The following ST6GALNAC3 variants were observed in gnomAD, a reference collection of about 807,000 sequenced individuals.
ST6GALNAC3 encodes ST6 N-acetylgalactosaminide alpha-2,6-sialyltransferase 3, also known as alpha-N-acetylgalactosaminide alpha-2,6-sialyltransferase 3.
ST6GALNAC3 carries 25 observed loss-of-function variants against 32.7 expected under a neutral mutation model. That is an observed-to-expected ratio of 0.76 (90% confidence interval 0.56 to 1.07). The LOEUF (loss-of-function observed/expected upper bound fraction) is 1.07. Among genes scored for constraint, ST6GALNAC3 ranks in the 50% least tolerant of loss-of-function variants. ST6GALNAC3 has a pLI of 0.00. For missense variants in ST6GALNAC3, 355 were observed against 382.4 expected (o/e 0.93, Z 0.60); for synonymous variants, 129 against 133.1 (o/e 0.97, Z 0.21).
At chr1:76,520,338 C>A (rs116398947) in intron 3 of ST6GALNAC3, among the ~76,000 whole-genome samples, 2 of 152,108 alleles carry the variant, frequency 1.3e-5, no homozygotes, top group East Asian at 3.9e-4. Context: ...CACAGGAGAC[C>A]ATAAGTTATC....
chr1:76,110,137 T>C (rs1647819230), intron 1 of ST6GALNAC3, among the ~76,000 whole-genome samples: 1 of 152,208 alleles, frequency 6.6e-6, no homozygotes, highest in South Asian at 2.1e-4. Context: ...TTCAAATTCT[T>C]TTTCATTCTT....
At chr1:76,237,876 A>G (rs569096117) in intron 1 of ST6GALNAC3, among the ~76,000 whole-genome samples, 25 of 152,246 alleles carry the variant, frequency 1.6e-4, no homozygotes, top group Non-Finnish European at 2.9e-4. Context: ...AGATACTTCA[A>G]ACTCTCCACC....
At chr1:76,266,356 T>C (rs1235098881) in intron 1 of ST6GALNAC3, among the ~76,000 whole-genome samples, 2 of 152,158 alleles carry the variant, frequency 1.3e-5, no homozygotes, top group African/African-American at 4.8e-5. Context: ...AAGTCTTTAC[T>C]GCCGAAACTC....
At chr1:76,478,397 G>T (rs910801269) in intron 3 of ST6GALNAC3, among the ~76,000 whole-genome samples, 27 of 152,150 alleles carry the variant, frequency 1.8e-4, no homozygotes, top group African/African-American at 6.5e-4. Flanking sequence ...TTGTTTTCTG[G>T]AGTTCCTCCT....
At chr1:76,320,528 G>A (rs571896660) in intron 2 of ST6GALNAC3, among the ~76,000 whole-genome samples, 5 of 152,108 alleles carry the variant, frequency 3.3e-5, no homozygotes, top group African/African-American at 1.2e-4. Context: ...TTTCCAAGGG[G>A]CCCCTGAAGT....
At chr1:76,212,318 T>G (rs1557700351) in intron 1 of ST6GALNAC3, among the ~76,000 whole-genome samples, 1 of 152,216 alleles carries the variant, frequency 6.6e-6, no homozygotes, top group African/African-American at 2.4e-5. Flanking sequence ...CAATCTCATT[T>G]TGTTAAAATT....
chr1:76,622,778 G>A (rs965187695), intron 3 of ST6GALNAC3, among the ~76,000 whole-genome samples: 35 of 152,090 alleles, frequency 2.3e-4, no homozygotes, highest in African/African-American at 7.9e-4. Context: ...TCAATAATTA[G>A]CAGAGCATCC....
chr1:76,451,688 A>C (rs552851152), intron 3 of ST6GALNAC3, among the ~76,000 whole-genome samples: 2 of 152,286 alleles, frequency 1.3e-5, no homozygotes, highest in African/African-American at 4.8e-5. Flanking sequence ...TATTGTAAAA[A>C]GGGTTGAGTT....
chr1:76,578,693 A>G (rs1252991853), intron 3 of ST6GALNAC3, among the ~76,000 whole-genome samples: 1 of 152,024 alleles, frequency 6.6e-6, no homozygotes, highest in African/African-American at 2.4e-5. Context: ...TAGGCACAGC[A>G]TCTGTATGCT....
chr1:76,602,081 G>A lies in ST6GALNAC3; in HGVS notation c.624-25371G>A, dbSNP rs114555587. Among the ~76,000 whole-genome samples, 302 of 152,272 alleles carry A rather than the reference G, an allele frequency of 2.0e-3. 2 individuals are homozygous for A. The highest frequency in any genetic ancestry group is 6.8e-3 in the African/African-American group (283 of 41,566). ...AAAGTAAGGGATGAGATCACCATGT[G>A]AGTGAGGGAGGATGTTAATGGGACT... On this transcript the variant is annotated intron_variant, in intron 3 of 4. Transcript: ENST00000328299.
At chr1:76,456,841 T>A (rs540079592) in intron 3 of ST6GALNAC3, among the ~76,000 whole-genome samples, 4 of 152,222 alleles carry the variant, frequency 2.6e-5, no homozygotes, top group East Asian at 3.9e-4. Flanking sequence ...TAGTGTTGGA[T>A]GTTCTGGCCA....
At chr1:76,319,715 T>A (rs1646932184) in intron 2 of ST6GALNAC3, among the ~76,000 whole-genome samples, 1 of 152,198 alleles carries the variant, frequency 6.6e-6, no homozygotes, top group African/African-American at 2.4e-5. Context: ...TTCCCATTTA[T>A]GTAATCATAA....
At chr1:76,353,438 G>T (rs1048605390) in intron 2 of ST6GALNAC3, 3 of 151,802 alleles carry the variant, frequency 2.0e-5, no homozygotes, top group Admixed American at 6.6e-5. Flanking sequence ...TCAAATCATT[G>T]TTCGTTTGTT....
rs1178501124 is a variant in ST6GALNAC3 at position 76,630,440 on chromosome 1, T to G, written c.*1634T>G. On this transcript the variant is annotated 3_prime_UTR_variant, in exon 5 of 5. Transcript: ENST00000328299. ...TTTCCTAGGATTGAGACAATTCTAT[T>G]TTTCATATACTCGTTGCTCATTAAA... 20 of 985,224 alleles carry G rather than the reference T, an allele frequency of 2.0e-5. No individual in the cohort carries two copies. The highest frequency in any genetic ancestry group is 4.7e-5 in the South Asian group (1 of 21,280). 61.0% of individuals were successfully genotyped at this position (985,224 alleles called of 1,614,324 possible).
intron 1 of ST6GALNAC3, among the ~76,000 whole-genome samples, chr1:76,129,122 C>G (rs1231764970): frequency 2.0e-5 from 3 of 152,202 alleles, no homozygotes; most frequent in Non-Finnish European, 4.4e-5. Context: ...CATCACCCAC[C>G]TGTACAGGGG....
chr1:76,563,600 T>G lies in ST6GALNAC3; in HGVS notation c.624-63852T>G, dbSNP rs548414745. Reference sequence around the variant, plus strand: ...CAAACAGTAGAAATAAAAACAACAATAACAATAATAAAGTTATTTTACATT... The same window carrying G: ...CAAACAGTAGAAATAAAAACAACAAGAACAATAATAAAGTTATTTTACATT... On this transcript the variant is annotated intron_variant, in intron 3 of 4. Coordinates refer to ENST00000328299, the MANE Select transcript of ST6GALNAC3 (RefSeq NM_152996.4). 2.0e-4 allele frequency among the ~76,000 whole-genome samples: 31 copies of G among 152,224 alleles called. No homozygotes were observed. The East Asian group carries it at 5.4e-3, about 27-fold the overall frequency.
At chr1:76,370,846 GTCCATCCATCCATCCATTCA>G (rs1650760884) in intron 2 of ST6GALNAC3, among the ~76,000 whole-genome samples, 1 of 151,736 alleles carries the variant, frequency 6.6e-6, no homozygotes, top group Non-Finnish European at 1.5e-5. Flanking sequence ...CCATTCACAT[GTCCATCCATCCATCCATTCA>G]TCCATCCATC....
intron 3 of ST6GALNAC3, among the ~76,000 whole-genome samples, chr1:76,506,514 C>G (rs541866378): frequency 7.9e-5 from 12 of 152,328 alleles, no homozygotes; most frequent in Non-Finnish European, 1.8e-4. Flanking sequence ...GGTTGTGCCA[C>G]ATGCTCCAGA....
chr1:76,122,089 T>A (rs1648915296), intron 1 of ST6GALNAC3, among the ~76,000 whole-genome samples: 1 of 152,206 alleles, frequency 6.6e-6, no homozygotes. Context: ...TTGGCACGAC[T>A]GACCATGTAT....
Sources: allele counts gnomAD v4.1 joint callset (sites outside exome capture counted in the v4.1 genomes callset), GRCh38; gene constraint gnomAD v4.1.1; transcripts MANE v1.5; gene names NCBI Gene and HGNC (gene_info 2026-07-23, HGNC 2026-07-21).